Variants in RPIA observed in about 807,000 individuals in gnomAD.
The protein encoded by RPIA is ribose-5-phosphate isomerase.
In RPIA, 29 loss-of-function variants were observed where a neutral mutation model predicts 37.8. The observed-to-expected ratio is 0.77, with a 90% confidence interval of 0.57 to 1.05. The LOEUF is 1.05. Among genes scored for constraint, RPIA ranks in the 50% least tolerant of loss-of-function variants. RPIA has a pLI of 0.00. For synonymous variants in RPIA, 167 were observed against 157.0 expected, an observed-to-expected ratio of 1.06 and a Z score of -0.48; for missense variants, 385 against 413.6, an observed-to-expected ratio of 0.93 and a Z score of 0.60.
At chr2:88,743,893 A>G (rs1036816157) in intron 8 of RPIA, among the ~76,000 whole-genome samples, 2 of 151,824 alleles carry the variant, frequency 1.3e-5, no homozygotes, top group Non-Finnish European at 2.9e-5. Flanking sequence ...GCTTATTTGG[A>G]TCTTCTCTCT....
At position 88,700,272 on chromosome 2, in the gene RPIA, T is replaced by C. The variant is rs543051722; in HGVS notation, c.402+208T>C. Among the ~76,000 whole-genome samples, 16 of 152,324 alleles carry C rather than the reference T, an allele frequency of 1.1e-4. No homozygotes were observed. In the East Asian group the frequency reaches 1.3e-3, roughly 13 times the overall value. On this transcript the variant is annotated intron_variant, in intron 3 of 8. Transcript: ENST00000283646. ...ATCACTTGGTGAATATTTCAGTGCA[T>C]GTTGAGTTTAGGCACTACGGAGAAT...
chr2:88,695,432 T>C (rs1672720254), intron 1 of RPIA, among the ~76,000 whole-genome samples: 1 of 152,236 alleles, frequency 6.6e-6, no homozygotes, highest in Non-Finnish European at 1.5e-5. Flanking sequence ...GATTGCTTGC[T>C]TGGGATACGG....
chr2:88,700,934 G>A (rs1261995802), intron 3 of RPIA, among the ~76,000 whole-genome samples: 1 of 152,152 alleles, frequency 6.6e-6, no homozygotes, highest in Non-Finnish European at 1.5e-5. Flanking sequence ...ATTTATGAGT[G>A]ACTGATGCTC....
rs1032101224 is a variant in RPIA, at chr2:88,750,839, C to G, written c.*761C>G. The G allele has an allele frequency of 2.5e-6, 1 of 397,984 alleles. No homozygotes were observed. The highest frequency in any genetic ancestry group is 3.6e-5 in the East Asian group (1 of 28,066). The allele number at this position is 397,984 out of a possible 1,614,324, so 24.7% of individuals were successfully genotyped here. On this transcript the variant is annotated 3_prime_UTR_variant, in exon 9 of 9. Coordinates refer to ENST00000283646, the MANE Select transcript of RPIA (RefSeq NM_144563.3). ...TTCTTTTTGTTATTAATATTTTTCTCTGTTCCTTTGTTATTACTTGCATGG... is the reference window on the plus strand; with the variant it reads ...TTCTTTTTGTTATTAATATTTTTCTGTGTTCCTTTGTTATTACTTGCATGG...
chr2:88,710,321 C>A (rs1672947438), intron 3 of RPIA, among the ~76,000 whole-genome samples: 1 of 152,136 alleles, frequency 6.6e-6, no homozygotes, highest in African/African-American at 2.4e-5. Flanking sequence ...GCTGAGATTA[C>A]AGATGTGAGC....
At chr2:88,740,710 G>A (rs1673372222) in intron 8 of RPIA, among the ~76,000 whole-genome samples, 1 of 152,132 alleles carries the variant, frequency 6.6e-6, no homozygotes, top group African/African-American at 2.4e-5. Context: ...AGTTGGGGGA[G>A]GTCAGTCACA....
chr2:88,704,360 G>A (rs1672873455), intron 3 of RPIA, among the ~76,000 whole-genome samples: 1 of 152,194 alleles, frequency 6.6e-6, no homozygotes, highest in Non-Finnish European at 1.5e-5. Flanking sequence ...GGCTGGGGAA[G>A]CCTCACAATC....
intron 3 of RPIA, among the ~76,000 whole-genome samples, chr2:88,722,013 G>C (rs1178300694): frequency 1.4e-5 from 2 of 144,638 alleles, no homozygotes; most frequent in East Asian, 4.0e-4. Context: ...TTGTGCCTTA[G>C]ACTCTTCATG....
intron 8 of RPIA, among the ~76,000 whole-genome samples, chr2:88,749,724 A>G (rs1179346124): frequency 6.6e-6 from 1 of 152,216 alleles, no homozygotes; most frequent in East Asian, 1.9e-4. Context: ...CAGCATGAAC[A>G]AAGGCCTCAG....
chr2:88,740,988 T>C (rs1391299964), intron 8 of RPIA, among the ~76,000 whole-genome samples: 1 of 152,240 alleles, frequency 6.6e-6, no homozygotes, highest in Non-Finnish European at 1.5e-5. Context: ...CTCTGCCTGT[T>C]GGCTTTTCGT....
At chr2:88,702,987 C>T (rs768470957) in intron 3 of RPIA, among the ~76,000 whole-genome samples, 4 of 152,190 alleles carry the variant, frequency 2.6e-5, no homozygotes, top group Admixed American at 1.3e-4. Context: ...ACAGGTCCCA[C>T]GCAAGTCTGA....
intron 3 of RPIA, among the ~76,000 whole-genome samples, chr2:88,708,933 T>C (rs1573464266): frequency 1.3e-5 from 2 of 152,204 alleles, no homozygotes; most frequent in Admixed American, 1.3e-4. Context: ...ATTTTTTGTA[T>C]ATTTAGTAGA....
chr2:88,732,728 TAAAAAAAAAAAAAAAAAAAAAA>T lies in RPIA; in HGVS notation c.463-1808_463-1787del, dbSNP rs75685116. Among the ~76,000 whole-genome samples the T allele has an allele frequency of 6.5e-3, 13 of 2,004 alleles. 5 individuals are homozygous for T. Among genetic ancestry groups the T allele is most frequent in the East Asian group, 0.021 (3 of 140 alleles). 1.3% of individuals were successfully genotyped at this position (2,004 alleles called of 152,430 possible). On this transcript the variant is annotated intron_variant, in intron 4 of 8. Coordinates refer to ENST00000283646, the MANE Select transcript of RPIA (RefSeq NM_144563.3). ...ATGTACCCTAAAACTTAGAGTATAA[TAAAAAAAAAAAAAAAAAAAAAA>T]AAAAAAAAAAAAAAAGAAAATATTA...
At position 88,691,782 on chromosome 2, in the gene RPIA, C is replaced by T. The variant is rs549384459; in HGVS notation, c.84C>T (p.Gly28=). The T allele has an allele frequency of 2.3e-4, 360 of 1,592,612 alleles. 2 individuals carry two copies. The African/African-American group carries it at 4.3e-3, about 19-fold the overall frequency. The change falls in exon 1 of 9, where the codon GGC becomes GGT. Residue 28 remains glycine, a synonymous_variant. Coordinates refer to ENST00000283646, the MANE Select transcript of RPIA (RefSeq NM_144563.3). ...LPGRAGGAAS[G]GGGNSWDLPG... ...GGAGGGCCGGGGGCGCGGCCTCCGG[C>T]GGAGGAGGGAACAGCTGGGACCTCC...
intron 3 of RPIA, among the ~76,000 whole-genome samples, chr2:88,723,406 G>A (rs1421121168): frequency 6.6e-6 from 1 of 152,134 alleles, no homozygotes; most frequent in Non-Finnish European, 1.5e-5. Flanking sequence ...CCATCGTCAT[G>A]GAAACAGGAA....
intron 8 of RPIA, among the ~76,000 whole-genome samples, chr2:88,741,668 G>C (rs1573479214): frequency 6.6e-6 from 1 of 152,274 alleles, no homozygotes; most frequent in East Asian, 1.9e-4. Context: ...GTTTTCCACA[G>C]TGGTTGTACT....
chr2:88,727,177 C>G (rs934835168), intron 3 of RPIA, among the ~76,000 whole-genome samples: 14 of 152,238 alleles, frequency 9.2e-5, no homozygotes. Flanking sequence ...CCTGCCCTCC[C>G]TCTGCAGCGT....
rs1177938818 is a variant in RPIA, at chr2:88,721,832, TAA to T, written c.403-7445_403-7444del. ...ATAATTAAAATCTCTAATAATTTAT[TAA>T]GAGTAGATCCCTTAAGAAATCAATC... On this transcript the variant is annotated intron_variant, in intron 3 of 8. Transcript: ENST00000283646. 4.6e-5 allele frequency among the ~76,000 whole-genome samples: 7 copies of T among 151,328 alleles called. No homozygotes were observed. In the East Asian group the frequency reaches 5.8e-4, roughly 13 times the overall value.
chr2:88,694,991 A>AG (rs1012054512), intron 1 of RPIA, among the ~76,000 whole-genome samples: 2 of 150,172 alleles, frequency 1.3e-5, no homozygotes, highest in African/African-American at 5.0e-5. Context: ...AAAAAAAAAA[A>AG]AAAAGAAAAA....
Sources: gnomAD v4.1 joint callset for allele counts (sites outside exome capture counted in the v4.1 genomes callset) on GRCh38, gnomAD v4.1.1 for gene constraint, MANE v1.5 for transcripts, NCBI Gene and HGNC (gene_info 2026-07-23, HGNC 2026-07-21) for gene names.